FSTL4: variants seen among roughly 807,000 people sequenced by gnomAD.
FSTL4 encodes follistatin like 4, also known as follistatin-related protein 4.
Under a neutral mutation model 78.2 loss-of-function variants are expected in FSTL4, and 28 were observed. The observed-to-expected ratio is 0.36, with a 90% CI of 0.27 to 0.49. The LOEUF (loss-of-function observed/expected upper bound fraction) is 0.49. Among genes scored for constraint, FSTL4 ranks in the 20% least tolerant of loss-of-function variants. The probability of loss-of-function intolerance (pLI) is 0.98; values close to 1 mark genes in which losing one functional copy is unlikely to be tolerated. For missense variants in FSTL4, 922 were observed against 1,084.9 expected, an observed-to-expected ratio of 0.85 and a Z score of 2.11; for synonymous variants, 422 against 440.5, an observed-to-expected ratio of 0.96 and a Z score of 0.53.
chr5:133,798,605 C>T, the FSTL4 span, among the ~76,000 whole-genome samples: 4 of 152,082 alleles, frequency 2.6e-5, no homozygotes, highest in Admixed American at 1.3e-4. Context: ...ACTGGGCTCC[C>T]GCTTCTCTCC....
At chr5:133,395,188 C>T (rs1226244619) in intron 4 of FSTL4, among the ~76,000 whole-genome samples, 1 of 151,988 alleles carries the variant, frequency 6.6e-6, no homozygotes, top group Non-Finnish European at 1.5e-5. Flanking sequence ...TCCCCTTCCA[C>T]CCCGTGGAAG....
chr5:133,640,556 T>C, the FSTL4 span, among the ~76,000 whole-genome samples: 20 of 152,178 alleles, frequency 1.3e-4, no homozygotes, highest in Non-Finnish European at 1.9e-4. Flanking sequence ...AGGAGCAGGA[T>C]GTTAACATCA....
intron 3 of FSTL4, among the ~76,000 whole-genome samples, chr5:133,451,477 C>A (rs1168763544): frequency 6.6e-6 from 1 of 152,158 alleles, no homozygotes; most frequent in Non-Finnish European, 1.5e-5. Context: ...AGAAGAATCG[C>A]TTGAACCCAG....
chr5:133,262,802 C>T (rs1752563657), intron 6 of FSTL4, among the ~76,000 whole-genome samples: 1 of 152,218 alleles, frequency 6.6e-6, no homozygotes, highest in South Asian at 2.1e-4. Context: ...ATCCGTGTCA[C>T]ATCACTCCTA....
At chr5:133,248,516 T>A (rs918451133) in intron 7 of FSTL4, 2 of 152,264 alleles carry the variant, frequency 1.3e-5, no homozygotes, top group African/African-American at 2.4e-5. Context: ...GGAAGCCACA[T>A]CACCTCTTGT....
chr5:133,476,508 T>C (rs1282804338), intron 3 of FSTL4, among the ~76,000 whole-genome samples: 1 of 152,200 alleles, frequency 6.6e-6, no homozygotes, highest in Admixed American at 6.5e-5. Flanking sequence ...CCCAGCATTT[T>C]AAGCAGGTGT....
At chr5:133,667,767 G>A in the FSTL4 span, among the ~76,000 whole-genome samples, 1 of 152,152 alleles carries the variant, frequency 6.6e-6, no homozygotes, top group East Asian at 1.9e-4. Context: ...AGCATCATCT[G>A]ACATACTTTA....
intron 2 of FSTL4, chr5:133,574,708 G>A (rs1162755259): frequency 1.3e-5 from 2 of 152,204 alleles, no homozygotes; most frequent in African/African-American, 2.4e-5. Flanking sequence ...CAGATAAACT[G>A]TGGCATATCC....
intron 4 of FSTL4, among the ~76,000 whole-genome samples, chr5:133,372,092 G>A (rs1755319364): frequency 2.0e-5 from 3 of 152,182 alleles, no homozygotes. Context: ...GCCTGCTGGG[G>A]CTGCCAAACA....
Position 133,510,211 on chromosome 5 carries a change from G to A in FSTL4, c.160+56975C>T, listed in dbSNP as rs115146872. On this transcript the variant is annotated intron_variant, in intron 3 of 15. Coordinates refer to ENST00000265342, the MANE Select transcript of FSTL4 (RefSeq NM_015082.2). ...GAGTTAAGTGGCATGGCCAGACAATGGAACCTCGTTGCCTTACCCTCAATG... is the reference window on the plus strand; with the variant it reads ...GAGTTAAGTGGCATGGCCAGACAATAGAACCTCGTTGCCTTACCCTCAATG... 6.4e-3 allele frequency among the ~76,000 whole-genome samples: 982 copies of A among 152,260 alleles called. 13 individuals carry two copies. Among genetic ancestry groups the A allele is most frequent in the African/African-American group, 0.023 (949 of 41,536 alleles).
At chr5:133,212,049 C>G (rs1208372940) in intron 13 of FSTL4, among the ~76,000 whole-genome samples, 2 of 152,186 alleles carry the variant, frequency 1.3e-5, no homozygotes, top group Non-Finnish European at 2.9e-5. Context: ...TTTACATACC[C>G]CGAGGCCTTT....
At chr5:133,511,372 GC>G (rs1758727482) in intron 3 of FSTL4, among the ~76,000 whole-genome samples, 1 of 152,146 alleles carries the variant, frequency 6.6e-6, no homozygotes, top group South Asian at 2.1e-4. Flanking sequence ...CTCCCCAGTA[GC>G]CAGCAACATC....
chr5:133,582,291 C>T (rs948784711), intron 2 of FSTL4, among the ~76,000 whole-genome samples: 2 of 152,184 alleles, frequency 1.3e-5, no homozygotes, highest in Non-Finnish European at 2.9e-5. Context: ...CACCCCAGAC[C>T]CCCGGCACTG....
At chr5:133,663,532 G>C in the FSTL4 span, among the ~76,000 whole-genome samples, 1 of 152,194 alleles carries the variant, frequency 6.6e-6, no homozygotes, top group African/African-American at 2.4e-5. Context: ...GTGCTAACAC[G>C]TGCCTCTTCA....
chr5:133,222,459 C>T (rs763091530), intron 11 of FSTL4, among the ~76,000 whole-genome samples: 1 of 152,218 alleles, frequency 6.6e-6, no homozygotes, highest in African/African-American at 2.4e-5. Flanking sequence ...TGACAAACTG[C>T]TTCCACGCAA....
At chr5:133,643,199 A>G in the FSTL4 span, among the ~76,000 whole-genome samples, 20 of 152,322 alleles carry the variant, frequency 1.3e-4, no homozygotes, top group Non-Finnish European at 2.4e-4. Context: ...TTATATAGGC[A>G]TTGAACAAAT....
At chr5:133,811,687 C>T in the FSTL4 span, among the ~76,000 whole-genome samples, 1 of 152,216 alleles carries the variant, frequency 6.6e-6, no homozygotes, top group South Asian at 2.1e-4. Context: ...TGTTCTCTTT[C>T]CCTGCTCAGC....
At chr5:133,402,509 A>C (rs1026162179) in intron 3 of FSTL4, among the ~76,000 whole-genome samples, 3 of 152,226 alleles carry the variant, frequency 2.0e-5, no homozygotes, top group African/African-American at 7.2e-5. Flanking sequence ...AATACTCAGC[A>C]AGACAGAATG....
At chr5:133,224,708 TGAG>T (rs762924488) in intron 10 of FSTL4, among the ~76,000 whole-genome samples, 4 of 152,214 alleles carry the variant, frequency 2.6e-5, no homozygotes, top group Non-Finnish European at 4.4e-5. Context: ...GCAGTGGTTA[TGAG>T]GAGAGCACGC....
Sources: gnomAD v4.1 joint callset for allele counts (sites outside exome capture counted in the v4.1 genomes callset) on GRCh38, gnomAD v4.1.1 for gene constraint, MANE v1.5 for transcripts, NCBI Gene and HGNC (gene_info 2026-07-23, HGNC 2026-07-21) for gene names.